The following PDZD2 variants were observed in gnomAD, a reference collection of about 807,000 sequenced individuals.
PDZD2 encodes the protein PDZ domain containing 2.
In PDZD2, 90 loss-of-function variants were observed where a neutral mutation model predicts 220.7. That is an observed-to-expected ratio of 0.41 (90% confidence interval 0.34 to 0.49). The LOEUF (loss-of-function observed/expected upper bound fraction) is 0.49. Ranked by LOEUF, PDZD2 falls within the 20% of genes least tolerant of loss-of-function variation. The probability of loss-of-function intolerance (pLI) is 0.28; values close to 1 mark genes in which losing one functional copy is unlikely to be tolerated. For synonymous variants in PDZD2, 1,375 were observed against 1,450.5 expected (o/e 0.95, Z 1.18); for missense variants, 3,174 against 3,608.5 (o/e 0.88, Z 3.08).
In PDZD2 at chr5:32,010,722, A is replaced by T. The variant is rs140438345; in HGVS notation, c.1407+240A>T. On this transcript the variant is annotated intron_variant, in intron 6 of 24. Coordinates refer to ENST00000438447, the MANE Select transcript of PDZD2 (RefSeq NM_178140.4). ...AGATAAGCAACCCAGGGGGCTGGGCACAGTGGCTTACACCTGTAATGCCAG... is the reference window on the plus strand; with the variant it reads ...AGATAAGCAACCCAGGGGGCTGGGCTCAGTGGCTTACACCTGTAATGCCAG... 3.3e-4 allele frequency: 170 copies of T among 517,338 alleles called. 1 individual carries two copies. The highest frequency in any genetic ancestry group is 2.7e-3 in the African/African-American group (140 of 52,360). The allele number at this position is 517,338 out of a possible 1,614,324, so 32.0% of individuals were successfully genotyped here.
chr5:31,999,596 G>C (rs1751937893), intron 4 of PDZD2, among the ~76,000 whole-genome samples: 1 of 152,184 alleles, frequency 6.6e-6, no homozygotes, highest in African/African-American at 2.4e-5. Flanking sequence ...TCTGGGACCT[G>C]TAACTCTGTT....
At chr5:31,993,603 G>A (rs1386300959) in intron 3 of PDZD2, among the ~76,000 whole-genome samples, 2 of 152,200 alleles carry the variant, frequency 1.3e-5, no homozygotes, top group Non-Finnish European at 2.9e-5. Flanking sequence ...TAGGGGGATG[G>A]TGGCTTTGTC....
intron 2 of PDZD2, among the ~76,000 whole-genome samples, chr5:31,925,779 C>A (rs908974699): frequency 7.0e-6 from 1 of 142,386 alleles, no homozygotes; most frequent in Admixed American, 6.9e-5. Flanking sequence ...AAAAAGATAA[C>A]CCATTTACAA....
At chr5:32,042,980 G>A (rs539368161) in intron 7 of PDZD2, among the ~76,000 whole-genome samples, 1 of 152,320 alleles carries the variant, frequency 6.6e-6, no homozygotes, top group African/African-American at 2.4e-5. Flanking sequence ...GAAGTTCAGA[G>A]AATCCCAAAG....
In PDZD2 at chr5:31,911,403, C is replaced by A. The variant is rs189138945; in HGVS notation, c.477-71752C>A. 1.2e-4 allele frequency among the ~76,000 whole-genome samples: 18 copies of A among 152,340 alleles called. 1 individual carries two copies. Among genetic ancestry groups the A allele is most frequent in the African/African-American group, 3.4e-4 (14 of 41,584 alleles). On this transcript the variant is annotated intron_variant, in intron 2 of 24. Coordinates refer to ENST00000438447, the MANE Select transcript of PDZD2 (RefSeq NM_178140.4). The stretch of plus-strand genomic sequence containing the variant: ...TGAGACTCACCCTTTGTGGAGCCAT[C>A]GCTAAAGCTTCTGTTCTGTGGATGC...
intron 1 of PDZD2, among the ~76,000 whole-genome samples, chr5:31,656,407 T>A (rs1037766886): frequency 1.3e-5 from 2 of 152,212 alleles, no homozygotes; most frequent in Admixed American, 6.5e-5. Context: ...TGTCTTCTTT[T>A]TTCCCTTCCC....
chr5:31,874,760 TA>T (rs11390710), intron 2 of PDZD2, among the ~76,000 whole-genome samples: 9,467 of 139,090 alleles, frequency 0.068, 362 homozygotes, highest in African/African-American at 0.12. Context: ...GACTCTATCT[TA>T]AAAAAAAAAA....
At chr5:31,986,060 A>C (rs909982537) in intron 3 of PDZD2, among the ~76,000 whole-genome samples, 7 of 135,768 alleles carry the variant, frequency 5.2e-5, no homozygotes, top group Admixed American at 1.6e-4. Flanking sequence ...GGGCAACAAG[A>C]GCGAAACTCT....
At chr5:31,960,580 C>G (rs1009069230) in intron 2 of PDZD2, among the ~76,000 whole-genome samples, 1 of 152,000 alleles carries the variant, frequency 6.6e-6, no homozygotes, top group East Asian at 1.9e-4. Context: ...AACCCACTCT[C>G]CTCTCTCCTC....
At chr5:31,933,932 T>G (rs570500219) in intron 2 of PDZD2, among the ~76,000 whole-genome samples, 1 of 152,328 alleles carries the variant, frequency 6.6e-6, no homozygotes, top group Admixed American at 6.5e-5. Flanking sequence ...AGGTGGCTTG[T>G]GTACTTGCTG....
At chr5:31,903,981 CCCAAAGTG>C (rs780978937) in intron 2 of PDZD2, among the ~76,000 whole-genome samples, 34 of 151,838 alleles carry the variant, frequency 2.2e-4, no homozygotes, top group Admixed American at 7.9e-4. Context: ...GTCTCAGCCT[CCCAAAGTG>C]CCAAAGTGCT....
At chr5:31,912,432 T>C (rs1743291747) in intron 2 of PDZD2, among the ~76,000 whole-genome samples, 1 of 152,144 alleles carries the variant, frequency 6.6e-6, no homozygotes, top group South Asian at 2.1e-4. Flanking sequence ...ATTTGTATGC[T>C]AAAATCCTAA....
intron 2 of PDZD2, among the ~76,000 whole-genome samples, chr5:31,965,607 A>G (rs1043080094): frequency 6.6e-5 from 10 of 152,118 alleles, no homozygotes; most frequent in African/African-American, 2.4e-4. Context: ...TAAAAATGGA[A>G]ACTTCGGCTG....
chr5:31,664,492 G>A (rs1032437355), intron 1 of PDZD2, among the ~76,000 whole-genome samples: 15 of 150,998 alleles, frequency 9.9e-5, no homozygotes, highest in East Asian at 5.8e-4. Flanking sequence ...GCATGCATGC[G>A]TACACACACA....
chr5:32,002,374 C>T (rs1248470559), intron 5 of PDZD2, among the ~76,000 whole-genome samples: 1 of 152,058 alleles, frequency 6.6e-6, no homozygotes, highest in East Asian at 1.9e-4. Flanking sequence ...GCGCTCCCTG[C>T]ATGTCTTCAC....
chr5:32,008,296 T>C (rs1753010741), intron 5 of PDZD2, among the ~76,000 whole-genome samples: 1 of 150,040 alleles, frequency 6.7e-6, no homozygotes, highest in African/African-American at 2.4e-5. Flanking sequence ...TTTTTTTTTT[T>C]TTTTCTTTTT....
chr5:31,869,385 A>G (rs1313212778), intron 2 of PDZD2, among the ~76,000 whole-genome samples: 1 of 151,966 alleles, frequency 6.6e-6, no homozygotes, highest in Non-Finnish European at 1.5e-5. Flanking sequence ...CACCCCTTGG[A>G]ACAGAAATGT....
chr5:31,923,070 A>G (rs1744422293), intron 2 of PDZD2, among the ~76,000 whole-genome samples: 1 of 149,532 alleles, frequency 6.7e-6, no homozygotes, highest in African/African-American at 2.5e-5. Context: ...AGGCAGGTGG[A>G]TCACCTGAGG....
chr5:31,846,974 G>A (rs1757617568), intron 2 of PDZD2, among the ~76,000 whole-genome samples: 1 of 152,032 alleles, frequency 6.6e-6, no homozygotes, highest in Non-Finnish European at 1.5e-5. Context: ...TTTATTTTTT[G>A]TTTGTGTCTG....
Sources: allele counts gnomAD v4.1 joint callset (sites outside exome capture counted in the v4.1 genomes callset), GRCh38; gene constraint gnomAD v4.1.1; transcripts MANE v1.5; gene names NCBI Gene and HGNC (gene_info 2026-07-23, HGNC 2026-07-21).